RSPO4: variants seen among roughly 807,000 people sequenced by gnomAD.
RSPO4 encodes the protein R-spondin 4.
In RSPO4, 23 loss-of-function variants were observed where a neutral mutation model predicts 24.8. The ratio of observed to expected loss-of-function variants is 0.93; its 90% CI spans 0.67 to 1.31. The LOEUF (loss-of-function observed/expected upper bound fraction) is 1.31. RSPO4 is among the 40% of genes most tolerant of loss of function. RSPO4 has a pLI of 0.00. For missense variants in RSPO4, 333 were observed against 316.5 expected, an observed-to-expected ratio of 1.05 and a Z score of -0.39; for synonymous variants, 141 against 127.4, an observed-to-expected ratio of 1.11 and a Z score of -0.72.
At position 959,199 on chromosome 20, in the gene RSPO4, G is replaced by T. The variant is rs1372688503; in HGVS notation, c.*1158C>A. The T allele has an allele frequency of 2.7e-5, 4 of 146,490 alleles. No individual in the cohort carries two copies. Among genetic ancestry groups the T allele is most frequent in the South Asian group, 2.1e-4 (1 of 4,720 alleles). 9.1% of individuals were successfully genotyped at this position (146,490 alleles called of 1,614,324 possible). On this transcript the variant is annotated 3_prime_UTR_variant, in exon 5 of 5. Coordinates refer to ENST00000217260, the MANE Select transcript of RSPO4 (RefSeq NM_001029871.4). ...TGTGGGGGTGGGTGTCAGCGTGTGGGGGTGGGTGTCAGCGAGTGTGGTGGT... is the reference window on the plus strand; with the variant it reads ...TGTGGGGGTGGGTGTCAGCGTGTGGTGGTGGGTGTCAGCGAGTGTGGTGGT...
chr20:964,777 C>T (rs1025448549), intron 3 of RSPO4, among the ~76,000 whole-genome samples: 8 of 139,902 alleles, frequency 5.7e-5, no homozygotes, highest in African/African-American at 1.2e-4. Context: ...CACACACACA[C>T]ATATATATAT....
chr20:998,673 G>A (rs1348389448), intron 1 of RSPO4, among the ~76,000 whole-genome samples: 1 of 152,160 alleles, frequency 6.6e-6, no homozygotes, highest in Non-Finnish European at 1.5e-5. Flanking sequence ...GGAGGCTGGA[G>A]AAAGGTGGGA....
intron 4 of RSPO4, among the ~76,000 whole-genome samples, chr20:960,885 T>G (rs1282900163): frequency 1.3e-5 from 2 of 152,204 alleles, no homozygotes; most frequent in African/African-American, 4.8e-5. Flanking sequence ...CTGCACCAAC[T>G]TCTGCATAAC....
intron 3 of RSPO4, among the ~76,000 whole-genome samples, chr20:965,819 T>C (rs2223961): frequency 0.31 from 47,273 of 152,162 alleles, 11,733 homozygotes; most frequent in African/African-American, 0.69. Flanking sequence ...TGAAATGTCA[T>C]GTCCTTGAGT....
intron 3 of RSPO4, among the ~76,000 whole-genome samples, chr20:964,801 C>CAT (rs1460926802): frequency 3.4e-5 from 3 of 87,496 alleles, no homozygotes; most frequent in African/African-American, 1.5e-4. Context: ...CATATATACA[C>CAT]ACATACACAC....
intron 2 of RSPO4, 64 bp downstream of exon 2, chr20:967,885 TG>T: frequency 2.8e-6 from 4 of 1,449,466 alleles, no homozygotes; most frequent in Non-Finnish European, 3.9e-6. Flanking sequence ...GGTGAAAGGG[TG>T]GGATCTAAGC....
Position 960,102 on chromosome 20 carries a change from A to G in RSPO4, c.*255T>C, listed in dbSNP as rs1983936255. 5.3e-6 allele frequency: 3 copies of G among 566,568 alleles called. No individual in the cohort carries two copies. Among genetic ancestry groups the G allele is most frequent in the African/African-American group, 1.9e-5 (1 of 53,256 alleles). 35.1% of individuals were successfully genotyped at this position (566,568 alleles called of 1,614,324 possible). On this transcript the variant is annotated 3_prime_UTR_variant, in exon 5 of 5. Transcript: ENST00000217260. The stretch of plus-strand genomic sequence containing the variant: ...GAAGAAAGAAAAGGAAAGATAAAAG[A>G]TAAGTGAGAAAGAAGAGGAAGGAAG...
chr20:963,860 G>A, intron 4 of RSPO4, 75 bp downstream of exon 4: 5 of 1,432,970 alleles, frequency 3.5e-6, no homozygotes, highest in South Asian at 1.1e-5. Context: ...ACTATTTGTG[G>A]GGCAGTGATC....
chr20:965,881 G>C (rs1212112737), intron 3 of RSPO4, among the ~76,000 whole-genome samples: 1 of 152,238 alleles, frequency 6.6e-6, no homozygotes, highest in Admixed American at 6.5e-5. Flanking sequence ...ACCTAGGAAA[G>C]TGCCTGGCCA....
At position 1,002,259 on chromosome 20, in the gene RSPO4, G is replaced by T; in HGVS notation, c.-95C>A. On this transcript the variant is annotated 5_prime_UTR_variant, in exon 1 of 5. Coordinates refer to ENST00000217260, the MANE Select transcript of RSPO4 (RefSeq NM_001029871.4). This position sits in a 1 kb window ranked among gnomAD's most constrained non-coding sequence, Gnocchi z 4.6. ...CGGCACGGCGGGCGCGGGGGCTGCT[G>T]TGGGCGCGCCGGGCGCATCCGCCAG... is the stretch of plus-strand genomic sequence containing the variant. 1.4e-6 allele frequency: 1 copy of T among 730,148 alleles called. No homozygotes were observed. The highest frequency in any genetic ancestry group is 1.8e-6 in the Non-Finnish European group (1 of 559,358). 45.2% of individuals were successfully genotyped at this position (730,148 alleles called of 1,614,324 possible). A position where few individuals can be genotyped will look rare whatever the true frequency, so the allele number is the denominator to read the frequency against.
intron 1 of RSPO4, among the ~76,000 whole-genome samples, chr20:978,743 T>C (rs569902370): frequency 1.4e-3 from 209 of 152,064 alleles, no homozygotes; most frequent in African/African-American, 5.0e-3. Flanking sequence ...GGGAGGCAGA[T>C]GTGGGGACAG....
At chr20:995,190 A>C (rs1490402866) in intron 1 of RSPO4, among the ~76,000 whole-genome samples, 1 of 152,180 alleles carries the variant, frequency 6.6e-6, no homozygotes, top group Non-Finnish European at 1.5e-5. Flanking sequence ...AATTTCAGAG[A>C]GAAAATGAAA....
intron 1 of RSPO4, among the ~76,000 whole-genome samples, chr20:975,367 G>A (rs976671266): frequency 6.6e-6 from 1 of 151,940 alleles, no homozygotes; most frequent in Non-Finnish European, 1.5e-5. Context: ...AGTTTTCTTG[G>A]GCCATCACAG....
rs1414193124 is a variant in RSPO4 at position 970,793 on chromosome 20, C to T, written c.80-2655G>A. 6.6e-6 allele frequency among the ~76,000 whole-genome samples: 1 copy of T among 152,160 alleles called. No homozygotes were observed. The highest frequency in any genetic ancestry group is 2.4e-5 in the African/African-American group (1 of 41,422). ...ACTTCGGGGAAAAATCTAGCAGTAC[C>T]TAATAAATTTGGAGATGTCTCTTTT... On this transcript the variant is annotated intron_variant, in intron 1 of 4. Coordinates refer to ENST00000217260, the MANE Select transcript of RSPO4 (RefSeq NM_001029871.4). The surrounding 1 kb of genome is among the most constrained non-coding windows in gnomAD (Gnocchi z 4.1).
intron 1 of RSPO4, among the ~76,000 whole-genome samples, chr20:982,943 GA>G (rs1043079727): frequency 6.6e-6 from 1 of 152,220 alleles, no homozygotes; most frequent in African/African-American, 2.4e-5. Context: ...AGCCAATCAG[GA>G]TGCTCAGTGT....
intron 1 of RSPO4, among the ~76,000 whole-genome samples, chr20:979,803 C>T (rs940603007): frequency 6.6e-6 from 1 of 152,184 alleles, no homozygotes; most frequent in African/African-American, 2.4e-5. Flanking sequence ...TTTCACAGAA[C>T]ACCCCTTCCC....
At chr20:976,069 C>T (rs1352038550) in intron 1 of RSPO4, among the ~76,000 whole-genome samples, 1 of 152,120 alleles carries the variant, frequency 6.6e-6, no homozygotes, top group African/African-American at 2.4e-5. Context: ...TGAATGAGAT[C>T]CCTCGTCTCT....
At chr20:965,170 G>A (rs1237856440) in intron 3 of RSPO4, among the ~76,000 whole-genome samples, 2 of 152,058 alleles carry the variant, frequency 1.3e-5, no homozygotes, top group Non-Finnish European at 2.9e-5. Flanking sequence ...CGTGATGAGG[G>A]AAGTGCAGGC....
intron 1 of RSPO4, among the ~76,000 whole-genome samples, chr20:979,727 T>C (rs747106785): frequency 2.6e-5 from 4 of 152,208 alleles, no homozygotes; most frequent in Non-Finnish European, 5.9e-5. Context: ...CAAATTGGAA[T>C]TGGCTGCCTC....
Sources: allele counts gnomAD v4.1 joint callset (sites outside exome capture counted in the v4.1 genomes callset), GRCh38; gene constraint gnomAD v4.1.1; non-coding constraint Gnocchi (gnomAD v3.1); transcripts MANE v1.5; gene names NCBI Gene and HGNC (gene_info 2026-07-23, HGNC 2026-07-21).